TNKS: variants seen among roughly 807,000 people sequenced by gnomAD.
TNKS encodes tankyrase, also known as poly [ADP-ribose] polymerase tankyrase-1.
In TNKS, 72 loss-of-function variants were observed where a neutral mutation model predicts 135.8. That is an observed-to-expected ratio of 0.53 (90% CI 0.44 to 0.64). The LOEUF is 0.64. Among genes scored for constraint, TNKS ranks in the 30% least tolerant of loss-of-function variants. The pLI is 0.00. For synonymous variants in TNKS, 849 were observed against 649.3 expected, an observed-to-expected ratio of 1.31 and a Z score of -4.68; for missense variants, 1,769 against 1,674.0, an observed-to-expected ratio of 1.06 and a Z score of -0.99.
chr8:9,771,150 G>C (rs540364104), intron 26 of TNKS, among the ~76,000 whole-genome samples: 1 of 148,848 alleles, frequency 6.7e-6, no homozygotes, highest in Non-Finnish European at 1.5e-5. Context: ...GAGAGAGAGA[G>C]AGACAGACAG....
At chr8:9,761,432 C>T (rs768954960) in intron 20 of TNKS, 84 bp from the exon 21 acceptor site, 28 of 1,384,632 alleles carry the variant, frequency 2.0e-5, no homozygotes, top group East Asian at 2.3e-5. Flanking sequence ...GAATGGTACT[C>T]GTAGCATTGA....
rs1806598077 is a variant in TNKS, at chr8:9,752,522, CTTTAATAT to C, written c.3071-21_3071-14del. On this transcript the variant is annotated splice_polypyrimidine_tract_variant and intron_variant, in intron 19 of 26. Coordinates refer to ENST00000310430, the MANE Select transcript of TNKS (RefSeq NM_003747.3). ...TATTTAGAGAATTCTTTCTGAGAAT[CTTTAATAT>C]GTTTCTGTTTTAGTTGCTGGTCTTG... The C allele has an allele frequency of 1.3e-6, 2 of 1,580,572 alleles. No homozygotes were observed. The highest frequency in any genetic ancestry group is 2.7e-5 in the African/African-American group (2 of 73,920).
chr8:9,765,627 C>G (rs1807394096), intron 23 of TNKS, 65 bp from the exon 24 acceptor site: 2 of 1,368,428 alleles, frequency 1.5e-6, no homozygotes, highest in Non-Finnish European at 2.1e-6. Context: ...GGAAAACATA[C>G]TTTTCATTTT....
intron 3 of TNKS, among the ~76,000 whole-genome samples, chr8:9,662,233 TC>T (rs1801752365): frequency 6.6e-6 from 1 of 152,222 alleles, no homozygotes; most frequent in South Asian, 2.1e-4. Context: ...GACGCAGCCA[TC>T]CCATTACTGG....
chr8:9,581,849 G>A (rs1472516900), intron 2 of TNKS, among the ~76,000 whole-genome samples: 1 of 151,988 alleles, frequency 6.6e-6, no homozygotes, highest in Non-Finnish European at 1.5e-5. Context: ...TCTTTCAAAA[G>A]TCCATAATGT....
chr8:9,715,678 G>A (rs574611496), intron 11 of TNKS, among the ~76,000 whole-genome samples: 1 of 152,108 alleles, frequency 6.6e-6, no homozygotes, highest in African/African-American at 2.4e-5. Context: ...AGGGGAATAA[G>A]GGCAATATTC....
chr8:9,557,423 T>G (rs1394110304), intron 1 of TNKS: 3 of 149,618 alleles, frequency 2.0e-5, no homozygotes, highest in East Asian at 2.0e-4. Context: ...TGCAAGTAGT[T>G]GATGATTTTC....
intron 5 of TNKS, among the ~76,000 whole-genome samples, chr8:9,701,083 G>A (rs547678752): frequency 4.6e-5 from 7 of 151,580 alleles, no homozygotes; most frequent in Admixed American, 1.3e-4. Flanking sequence ...ACAGGTGCCC[G>A]CCACCACACC....
At chr8:9,774,756 T>G (rs138232452) in intron 26 of TNKS, among the ~76,000 whole-genome samples, 441 of 152,306 alleles carry the variant, frequency 2.9e-3, no homozygotes, top group Middle Eastern at 0.01. Context: ...TCCACCTGAC[T>G]AAGATGGACG....
intron 2 of TNKS, among the ~76,000 whole-genome samples, chr8:9,592,685 T>C (rs1424046773): frequency 1.3e-5 from 2 of 152,228 alleles, no homozygotes; most frequent in Non-Finnish European, 2.9e-5. Context: ...TGTCTAATTA[T>C]ATTCAAGAAA....
intron 1 of TNKS, among the ~76,000 whole-genome samples, chr8:9,576,317 T>C (rs1797942136): frequency 6.6e-6 from 1 of 152,084 alleles, no homozygotes; most frequent in Non-Finnish European, 1.5e-5. Context: ...AAAAGAGTTT[T>C]AATTGACTCA....
chr8:9,751,128 C>G (rs1404359779), intron 18 of TNKS, among the ~76,000 whole-genome samples: 2 of 152,162 alleles, frequency 1.3e-5, no homozygotes, highest in African/African-American at 2.4e-5. Context: ...GGGTGGCTGT[C>G]TTTGGAGACT....
At chr8:9,609,983 G>A (rs1022234711) in intron 2 of TNKS, among the ~76,000 whole-genome samples, 3 of 151,882 alleles carry the variant, frequency 2.0e-5, no homozygotes, top group Non-Finnish European at 2.9e-5. Context: ...TCAGCCTCCC[G>A]AGTAGCTGGG....
chr8:9,689,468 T>A (rs1342649262), intron 5 of TNKS, among the ~76,000 whole-genome samples: 1 of 151,872 alleles, frequency 6.6e-6, no homozygotes. Flanking sequence ...CAATTCTAAA[T>A]ATAAAATGTT....
chr8:9,616,024 A>G (rs1206122650), intron 3 of TNKS, among the ~76,000 whole-genome samples: 2 of 152,186 alleles, frequency 1.3e-5, no homozygotes, highest in Non-Finnish European at 2.9e-5. Context: ...TTATATTACT[A>G]TAAAAGTAGT....
chr8:9,726,551 C>A, intron 12 of TNKS, 90 bp from the exon 13 acceptor site: 2 of 897,606 alleles, frequency 2.2e-6, no homozygotes, highest in Non-Finnish European at 3.3e-6. Context: ...CTTTGCAATC[C>A]CTCAAGAACC....
At chr8:9,631,922 A>G (rs149183384) in intron 3 of TNKS, among the ~76,000 whole-genome samples, 8 of 152,320 alleles carry the variant, frequency 5.3e-5, no homozygotes, top group Admixed American at 2.6e-4. Context: ...AGAGGAGATT[A>G]ACATTGGCTG....
chr8:9,699,861 T>C (rs1233809402), intron 5 of TNKS, among the ~76,000 whole-genome samples: 1 of 152,200 alleles, frequency 6.6e-6, no homozygotes, highest in Non-Finnish European at 1.5e-5. Flanking sequence ...TTCAAGTCTT[T>C]CAGTGATTTC....
At chr8:9,606,870 T>C (rs1026914551) in intron 2 of TNKS, among the ~76,000 whole-genome samples, 2 of 152,142 alleles carry the variant, frequency 1.3e-5, no homozygotes, top group South Asian at 2.1e-4. Flanking sequence ...CCTTAACTTA[T>C]GGAGGTTTGG....
Sources: gnomAD v4.1 joint callset for allele counts (sites outside exome capture counted in the v4.1 genomes callset) on GRCh38, gnomAD v4.1.1 for gene constraint, MANE v1.5 for transcripts, NCBI Gene and HGNC (gene_info 2026-07-23, HGNC 2026-07-21) for gene names.